Variants in ATOSA observed in about 807,000 individuals in gnomAD.
ATOSA encodes atos homolog protein A.
the ATOSA span, among the ~76,000 whole-genome samples, chr15:52,595,720 A>G: frequency 6.6e-6 from 1 of 152,222 alleles, no homozygotes; most frequent in African/African-American, 2.4e-5. Flanking sequence ...ACATACATTC[A>G]TTTAAAAATA....
chr15:52,689,289 T>C, the ATOSA span, among the ~76,000 whole-genome samples: 3 of 152,194 alleles, frequency 2.0e-5, no homozygotes, highest in Non-Finnish European at 4.4e-5. Flanking sequence ...ATGTATTGAA[T>C]TTCTTTGCAG....
the ATOSA span, chr15:52,678,208 C>T: frequency 1.9e-5 from 13 of 677,076 alleles, no homozygotes; most frequent in African/African-American, 2.3e-4. Flanking sequence ...AGGCCTCTTC[C>T]TGGCACCAAC....
the ATOSA span, chr15:52,605,223 A>G: frequency 6.2e-7 from 1 of 1,609,854 alleles, no homozygotes; most frequent in East Asian, 2.2e-5. Context: ...TTCGCCACAC[A>G]TTTGAATGTT....
chr15:52,634,252 T>C, the ATOSA span, among the ~76,000 whole-genome samples: 1 of 151,966 alleles, frequency 6.6e-6, no homozygotes, highest in African/African-American at 2.4e-5. Context: ...GGCCAACATG[T>C]TGAAATTGTC....
chr15:52,611,843 A>T, the ATOSA span: 1 of 1,462,290 alleles, frequency 6.8e-7, no homozygotes, highest in Non-Finnish European at 9.5e-7. Flanking sequence ...TAAAATAGAA[A>T]ATTATCATTG....
chr15:52,612,223 G>C, the ATOSA span, among the ~76,000 whole-genome samples: 1 of 152,082 alleles, frequency 6.6e-6, no homozygotes, highest in East Asian at 1.9e-4. Flanking sequence ...AACCTCAGGT[G>C]ATCTGCCCAC....
At chr15:52,625,533 A>G in the ATOSA span, among the ~76,000 whole-genome samples, 5 of 152,244 alleles carry the variant, frequency 3.3e-5, no homozygotes, top group African/African-American at 1.2e-4. Context: ...TGATCAACTT[A>G]TCAACTATAA....
the ATOSA span, among the ~76,000 whole-genome samples, chr15:52,632,621 A>C: frequency 6.6e-6 from 1 of 152,218 alleles, no homozygotes; most frequent in African/African-American, 2.4e-5. Flanking sequence ...ATTATTAATT[A>C]GTTTTCGGTT....
At chr15:52,668,670 T>A in the ATOSA span, among the ~76,000 whole-genome samples, 1 of 152,130 alleles carries the variant, frequency 6.6e-6, no homozygotes, top group Non-Finnish European at 1.5e-5. Flanking sequence ...CTGGACTTCA[T>A]AAATATATAC....
chr15:52,633,593 G>A, the ATOSA span, among the ~76,000 whole-genome samples: 6 of 151,928 alleles, frequency 3.9e-5, no homozygotes, highest in South Asian at 2.1e-4. Flanking sequence ...GAAAGCAAGC[G>A]CCAGAGAAAT....
chr15:52,605,561 T>C, the ATOSA span, among the ~76,000 whole-genome samples: 1 of 152,130 alleles, frequency 6.6e-6, no homozygotes, highest in African/African-American at 2.4e-5. Flanking sequence ...AATCAAAAAG[T>C]TTGGGATTTT....
chr15:52,661,931 CAAA>C, the ATOSA span, among the ~76,000 whole-genome samples: 2 of 73,256 alleles, frequency 2.7e-5, no homozygotes, highest in Non-Finnish European at 4.6e-5. Flanking sequence ...CAAGCCAGGC[CAAA>C]AAAAAAAAAA....
chr15:52,699,071 A>T, the ATOSA span, among the ~76,000 whole-genome samples: 2 of 152,326 alleles, frequency 1.3e-5, no homozygotes, highest in Non-Finnish European at 2.9e-5. Flanking sequence ...CTGGAAATAA[A>T]AGCACTGCAT....
chr15:52,588,671 C>T, the ATOSA span, among the ~76,000 whole-genome samples: 39 of 152,084 alleles, frequency 2.6e-4, no homozygotes, highest in African/African-American at 8.7e-4. Flanking sequence ...GTCCAGGCTT[C>T]GACCTCCTGA....
At chr15:52,592,707 G>A in the ATOSA span, among the ~76,000 whole-genome samples, 1 of 152,194 alleles carries the variant, frequency 6.6e-6, no homozygotes, top group Non-Finnish European at 1.5e-5. Context: ...TTTTAAGAAT[G>A]TTTACAAATT....
At chr15:52,685,740 ACT>A in the ATOSA span, among the ~76,000 whole-genome samples, 1 of 151,124 alleles carries the variant, frequency 6.6e-6, no homozygotes, top group South Asian at 2.1e-4. Flanking sequence ...ACAGGGTCTC[ACT>A]CTGTCACCCA....
At chr15:52,582,307 C>T in the ATOSA span, 1 of 1,561,750 alleles carries the variant, frequency 6.4e-7, no homozygotes, top group Non-Finnish European at 8.6e-7. Context: ...AACTCTGGAA[C>T]CTAAACAAAT....
chr15:52,635,893 G>A, the ATOSA span, among the ~76,000 whole-genome samples: 2 of 151,666 alleles, frequency 1.3e-5, no homozygotes. Flanking sequence ...CTACTTGGGA[G>A]GCTGAGGCAG....
the ATOSA span, among the ~76,000 whole-genome samples, chr15:52,682,590 A>G: frequency 6.6e-6 from 1 of 152,228 alleles, no homozygotes; most frequent in Non-Finnish European, 1.5e-5. Context: ...GAACAACTCT[A>G]TGACCCATAG....
Sources: allele counts gnomAD v4.1 joint callset (sites outside exome capture counted in the v4.1 genomes callset), GRCh38; gene constraint gnomAD v4.1.1; transcripts MANE v1.5; gene names NCBI Gene and HGNC (gene_info 2026-07-23, HGNC 2026-07-21).